PDE1C: variants seen among roughly 807,000 people sequenced by gnomAD.
PDE1C encodes dual specificity calcium/calmodulin-dependent 3',5'-cyclic nucleotide phosphodiesterase 1C.
PDE1C carries 62 observed loss-of-function variants against 93.1 expected under a neutral mutation model. That is an observed-to-expected ratio of 0.67 (90% CI 0.54 to 0.82). The LOEUF is 0.82. Ranked by LOEUF, PDE1C falls within the 40% of genes least tolerant of loss-of-function variation. The pLI, the probability that PDE1C is intolerant of heterozygous loss-of-function variation, is 0.00. For missense variants in PDE1C, 742 were observed against 884.6 expected, an observed-to-expected ratio of 0.84 and a Z score of 2.04; for synonymous variants, 325 against 310.1, an observed-to-expected ratio of 1.05 and a Z score of -0.50.
At chr7:31,973,888 G>T (rs935612973) in intron 2 of PDE1C, among the ~76,000 whole-genome samples, 3 of 152,076 alleles carry the variant, frequency 2.0e-5, no homozygotes, top group African/African-American at 7.2e-5. Context: ...AATTGACAAG[G>T]TCCTTATAAA....
At chr7:32,189,890 C>A (rs1584931418) in intron 2 of PDE1C, among the ~76,000 whole-genome samples, 2 of 152,140 alleles carry the variant, frequency 1.3e-5, no homozygotes, top group African/African-American at 4.8e-5. Flanking sequence ...CATTTTTGAA[C>A]CCCCACACCC....
chr7:31,618,465 CAAG>C, the PDE1C span, among the ~76,000 whole-genome samples: 35 of 152,076 alleles, frequency 2.3e-4, no homozygotes, highest in African/African-American at 8.0e-4. Context: ...ATCTTTTGGT[CAAG>C]AAGGGAAATA....
At chr7:32,024,434 C>T (rs1789136041) in intron 2 of PDE1C, among the ~76,000 whole-genome samples, 1 of 151,048 alleles carries the variant, frequency 6.6e-6, no homozygotes, top group African/African-American at 2.4e-5. Context: ...TATAAGAGAG[C>T]TCATTTTAGT....
intron 2 of PDE1C, among the ~76,000 whole-genome samples, chr7:31,882,844 C>A (rs1292123059): frequency 6.6e-6 from 1 of 152,114 alleles, no homozygotes; most frequent in African/African-American, 2.4e-5. Context: ...TATAATAGAA[C>A]TTCCCTAGGA....
intron 17 of PDE1C, among the ~76,000 whole-genome samples, chr7:31,766,823 T>C (rs1256631652): frequency 6.6e-6 from 1 of 152,256 alleles, no homozygotes; most frequent in East Asian, 1.9e-4. Context: ...TGATTATATG[T>C]CTTTTGGAAT....
intron 2 of PDE1C, among the ~76,000 whole-genome samples, chr7:32,017,216 C>T (rs1788026802): frequency 6.6e-6 from 1 of 152,060 alleles, no homozygotes; most frequent in Non-Finnish European, 1.5e-5. Flanking sequence ...TTGACATTGA[C>T]AAGAGTGCCA....
intron 1 of PDE1C, among the ~76,000 whole-genome samples, chr7:32,058,794 A>G (rs1480960376): frequency 6.6e-6 from 1 of 152,178 alleles, no homozygotes; most frequent in Non-Finnish European, 1.5e-5. Context: ...TTCCACAAGA[A>G]TATTTAAGGG....
At chr7:32,311,907 C>T (rs1322860390) in intron 1 of PDE1C, among the ~76,000 whole-genome samples, 1 of 151,802 alleles carries the variant, frequency 6.6e-6, no homozygotes, top group Non-Finnish European at 1.5e-5. Context: ...CTGGCCAGGG[C>T]AATTAGGCAG....
chr7:31,735,841 G>C, the PDE1C span, among the ~76,000 whole-genome samples: 1 of 152,098 alleles, frequency 6.6e-6, no homozygotes, highest in Non-Finnish European at 1.5e-5. Flanking sequence ...CGTATCTGTG[G>C]GAGATCGGTT....
At chr7:31,849,364 C>T (rs1793042316) in intron 8 of PDE1C, among the ~76,000 whole-genome samples, 1 of 152,174 alleles carries the variant, frequency 6.6e-6, no homozygotes, top group African/African-American at 2.4e-5. Flanking sequence ...TTAAACAGTG[C>T]TACTCTATGG....
intron 3 of PDE1C, among the ~76,000 whole-genome samples, chr7:32,106,761 A>C (rs917776247): frequency 2.0e-5 from 3 of 152,190 alleles, no homozygotes; most frequent in Admixed American, 2.0e-4. Flanking sequence ...TATCTGATAC[A>C]TCATATATGG....
chr7:32,262,389 G>C (rs1251465926), intron 1 of PDE1C, among the ~76,000 whole-genome samples: 5 of 152,152 alleles, frequency 3.3e-5, no homozygotes, highest in Admixed American at 2.6e-4. Context: ...CTTTGAAGGA[G>C]AGAAAGGAGA....
At chr7:31,686,915 TAAC>T in the PDE1C span, 1 of 152,188 alleles carries the variant, frequency 6.6e-6, no homozygotes, top group Admixed American at 6.5e-5. Context: ...GCATATCACT[TAAC>T]TTCTTGTGCC....
At chr7:32,089,497 G>C (rs1797337265) in intron 3 of PDE1C, among the ~76,000 whole-genome samples, 1 of 152,152 alleles carries the variant, frequency 6.6e-6, no homozygotes, top group Admixed American at 6.5e-5. Context: ...CTATCTTTAA[G>C]CAGCTTTAAA....
chr7:32,134,552 T>G (rs1800096736), intron 3 of PDE1C, among the ~76,000 whole-genome samples: 1 of 152,128 alleles, frequency 6.6e-6, no homozygotes, highest in South Asian at 2.1e-4. Flanking sequence ...ATGATCACAC[T>G]GGTCACCATG....
At chr7:31,718,877 T>C in the PDE1C span, among the ~76,000 whole-genome samples, 4,703 of 152,122 alleles carry the variant, frequency 0.031, 280 homozygotes, top group African/African-American at 0.11. Context: ...GGGGGAAGTG[T>C]CTGAAACACC....
At chr7:32,300,555 G>C (rs576318696), upstream of PDE1C, among the ~76,000 whole-genome samples, 1 of 152,150 alleles carries the variant, frequency 6.6e-6, no homozygotes, top group Non-Finnish European at 1.5e-5. Context: ...CCACTTACCA[G>C]CTACATGGCC....
chr7:32,298,590 A>G (rs1585095168), intron 1 of PDE1C: 2 of 1,537,724 alleles, frequency 1.3e-6, no homozygotes, highest in African/African-American at 1.4e-5. Flanking sequence ...AGGAACTCTG[A>G]CCGCCACCGG....
chr7:31,755,065 T>TC (rs1286725140), intron 17 of PDE1C, among the ~76,000 whole-genome samples: 3 of 152,180 alleles, frequency 2.0e-5, no homozygotes, highest in Non-Finnish European at 4.4e-5. Flanking sequence ...CCGAAGAAGC[T>TC]GTACACAAGC....
Sources: allele counts gnomAD v4.1 joint callset (sites outside exome capture counted in the v4.1 genomes callset), GRCh38; gene constraint gnomAD v4.1.1; transcripts MANE v1.5; gene names NCBI Gene and HGNC (gene_info 2026-07-23, HGNC 2026-07-21).